Variants in DLGAP2 observed in about 807,000 individuals in gnomAD.
DLGAP2 encodes DLG associated protein 2.
In DLGAP2, 26 loss-of-function variants were observed where a neutral mutation model predicts 100.3. The ratio of observed to expected loss-of-function variants is 0.26; its 90% CI spans 0.19 to 0.36. The LOEUF (loss-of-function observed/expected upper bound fraction) is 0.36, where lower values mean the gene tolerates loss of function less well. Ranked by LOEUF, DLGAP2 falls within the 10% of genes least tolerant of loss-of-function variation. The pLI, the probability that DLGAP2 is intolerant of heterozygous loss-of-function variation, is 1.00. For missense variants in DLGAP2, 1,858 were observed against 1,453.2 expected, an observed-to-expected ratio of 1.28 and a Z score of -4.53; for synonymous variants, 886 against 630.1, an observed-to-expected ratio of 1.41 and a Z score of -6.08.
At chr8:1,470,529 G>A (rs553802812) in intron 3 of DLGAP2, among the ~76,000 whole-genome samples, 1 of 152,154 alleles carries the variant, frequency 6.6e-6, no homozygotes, top group South Asian at 2.1e-4. Flanking sequence ...AAATCCATGG[G>A]CCAGTCACAC....
chr8:1,198,653 C>T (rs993165258), intron 2 of DLGAP2, among the ~76,000 whole-genome samples: 2 of 152,200 alleles, frequency 1.3e-5, no homozygotes, highest in East Asian at 1.9e-4. Context: ...AAGGCCGAGC[C>T]GCTCAGGCCC....
chr8:960,623 G>A (rs183897687), intron 2 of DLGAP2, among the ~76,000 whole-genome samples: 3 of 152,216 alleles, frequency 2.0e-5, no homozygotes, highest in Admixed American at 1.3e-4. Flanking sequence ...TACAAAGACC[G>A]TTAATTGAAT....
At chr8:1,573,022 G>A (rs1301742893) in intron 6 of DLGAP2, among the ~76,000 whole-genome samples, 1 of 86,764 alleles carries the variant, frequency 1.2e-5, no homozygotes, top group Non-Finnish European at 2.3e-5. Context: ...AGGAGAGAGG[G>A]TGGACTGTGG....
chr8:1,171,979 G>C (rs139522257), intron 2 of DLGAP2, among the ~76,000 whole-genome samples: 6,906 of 152,132 alleles, frequency 0.045, 390 homozygotes, highest in African/African-American at 0.13. Flanking sequence ...TTCCTAGTCT[G>C]GATGGTCTTT....
chr8:1,237,287 C>T (rs1179748539), intron 2 of DLGAP2, among the ~76,000 whole-genome samples: 4 of 132,174 alleles, frequency 3.0e-5, no homozygotes, highest in Non-Finnish European at 6.2e-5. Context: ...TCACACATAG[C>T]GTCATGTCTA....
intron 1 of DLGAP2, among the ~76,000 whole-genome samples, chr8:851,570 C>T (rs1797183102): frequency 6.6e-6 from 1 of 152,192 alleles, no homozygotes; most frequent in Admixed American, 6.5e-5. Context: ...CATTTACAAA[C>T]ACCGTTCTGA....
At chr8:1,457,773 G>A (rs973193243) in intron 3 of DLGAP2, among the ~76,000 whole-genome samples, 1 of 151,700 alleles carries the variant, frequency 6.6e-6, no homozygotes. Flanking sequence ...CCAGAAGGTT[G>A]CCCTTCCTCC....
intron 2 of DLGAP2, among the ~76,000 whole-genome samples, chr8:1,119,801 T>G (rs984652686): frequency 2.0e-5 from 3 of 152,234 alleles, no homozygotes; most frequent in Admixed American, 2.0e-4. Flanking sequence ...AGAGTCACAG[T>G]TGACCCTACC....
At chr8:1,583,449 C>T (rs778487572) in intron 6 of DLGAP2, among the ~76,000 whole-genome samples, 6 of 152,178 alleles carry the variant, frequency 3.9e-5, no homozygotes, top group Non-Finnish European at 7.4e-5. Flanking sequence ...TCCTAGCATC[C>T]ACTGGCCTGT....
At chr8:985,929 A>T (rs1457693406) in intron 2 of DLGAP2, among the ~76,000 whole-genome samples, 2 of 152,066 alleles carry the variant, frequency 1.3e-5, no homozygotes, top group East Asian at 3.9e-4. Context: ...TCCCTCCCTG[A>T]AGATGCTCTT....
At chr8:1,262,089 T>A (rs769702452) in intron 3 of DLGAP2, among the ~76,000 whole-genome samples, 1 of 152,212 alleles carries the variant, frequency 6.6e-6, no homozygotes, top group Non-Finnish European at 1.5e-5. Context: ...GTTCTGTCTG[T>A]GAGAGCTACT....
chr8:1,694,236 G>T (rs193099287), intron 13 of DLGAP2, among the ~76,000 whole-genome samples: 50 of 152,326 alleles, frequency 3.3e-4, no homozygotes, highest in African/African-American at 1.2e-3. Flanking sequence ...ACAGGGAGGG[G>T]TGGTGCCTGA....
intron 3 of DLGAP2, among the ~76,000 whole-genome samples, chr8:1,287,164 G>GCA (rs1563061969): frequency 3.0e-5 from 4 of 132,218 alleles, no homozygotes; most frequent in Non-Finnish European, 5.0e-5. Context: ...GTGTGCGCGC[G>GCA]CGCGCGTGGT....
At chr8:1,628,459 A>G (rs1797563194) in intron 7 of DLGAP2, among the ~76,000 whole-genome samples, 1 of 118,456 alleles carries the variant, frequency 8.4e-6, no homozygotes, top group Non-Finnish European at 1.7e-5. Flanking sequence ...TGGAGCAGGA[A>G]TTAAGAGCCT....
chr8:1,191,617 C>T (rs893028467), intron 2 of DLGAP2, among the ~76,000 whole-genome samples: 10 of 151,924 alleles, frequency 6.6e-5, no homozygotes, highest in African/African-American at 1.9e-4. Flanking sequence ...CACAACGCGC[C>T]GTATCTGGGT....
At chr8:1,516,737 A>C (rs1282454176) in intron 4 of DLGAP2, among the ~76,000 whole-genome samples, 1 of 139,160 alleles carries the variant, frequency 7.2e-6, no homozygotes, top group Non-Finnish European at 1.6e-5. Flanking sequence ...GTGACTGAGA[A>C]AATGAGTGGG....
At chr8:1,319,351 G>T (rs921240322) in intron 3 of DLGAP2, among the ~76,000 whole-genome samples, 13 of 152,196 alleles carry the variant, frequency 8.5e-5, no homozygotes, top group African/African-American at 2.9e-4. Flanking sequence ...CAGATCAGAG[G>T]TTCATGCAGG....
chr8:950,865 C>T (rs1799462171), intron 2 of DLGAP2, among the ~76,000 whole-genome samples: 1 of 151,962 alleles, frequency 6.6e-6, no homozygotes, highest in Non-Finnish European at 1.5e-5. Context: ...ACCTTGTGGT[C>T]CACCCGCCTC....
rs185380131 is a variant in DLGAP2, at chr8:1,130,627, T to A, written c.74-128224T>A. On this transcript the variant is annotated intron_variant, in intron 2 of 14. Transcript: ENST00000637795. Reference sequence around the variant, plus strand: ...CCCCCCTGGGTGTTTACCAGGAGGCTGTAAAGCGTGGCACGGACCAGAGGC... The same window carrying A: ...CCCCCCTGGGTGTTTACCAGGAGGCAGTAAAGCGTGGCACGGACCAGAGGC... Among the ~76,000 whole-genome samples, 8 of 152,356 alleles carry A rather than the reference T, an allele frequency of 5.3e-5. No homozygotes were observed. The East Asian group carries it at 1.5e-3, about 29-fold the overall frequency.
Sources: gnomAD v4.1 joint callset for allele counts (sites outside exome capture counted in the v4.1 genomes callset) on GRCh38, gnomAD v4.1.1 for gene constraint, MANE v1.5 for transcripts, NCBI Gene and HGNC (gene_info 2026-07-23, HGNC 2026-07-21) for gene names.